VTI1A: variants seen among roughly 807,000 people sequenced by gnomAD.
The protein encoded by VTI1A is vesicle transport through interaction with t-SNAREs homolog 1A.
In VTI1A, 22 loss-of-function variants were observed where a neutral mutation model predicts 34.9. The ratio of observed to expected loss-of-function variants is 0.63; its 90% confidence interval spans 0.45 to 0.90. The LOEUF (loss-of-function observed/expected upper bound fraction) is 0.90, where lower values mean the gene tolerates loss of function less well. VTI1A is among the 40% of genes least tolerant of loss of function. The pLI, the probability that VTI1A is intolerant of heterozygous loss-of-function variation, is 0.00. For synonymous variants in VTI1A, 87 were observed against 97.3 expected (o/e 0.89, Z 0.62); for missense variants, 268 against 275.6 (o/e 0.97, Z 0.20).
At chr10:112,620,656 G>T (rs919083443) in intron 5 of VTI1A, among the ~76,000 whole-genome samples, 1 of 152,082 alleles carries the variant, frequency 6.6e-6, no homozygotes, top group Non-Finnish European at 1.5e-5. Flanking sequence ...TGGGCATGGT[G>T]GTGGGCGCCT....
chr10:112,559,614 G>A (rs1037648501), intron 5 of VTI1A, among the ~76,000 whole-genome samples: 5 of 151,958 alleles, frequency 3.3e-5, no homozygotes, highest in Non-Finnish European at 5.9e-5. Context: ...CTGCCATCCC[G>A]CACAGCCACG....
chr10:112,608,339 GATAA>G (rs1463219944), intron 5 of VTI1A, among the ~76,000 whole-genome samples: 1 of 152,162 alleles, frequency 6.6e-6, no homozygotes, highest in African/African-American at 2.4e-5. Context: ...TGCCTGATGT[GATAA>G]ATAAAGTGCG....
chr10:112,853,429 T>A, the VTI1A span, among the ~76,000 whole-genome samples: 1 of 152,210 alleles, frequency 6.6e-6, no homozygotes, highest in Admixed American at 6.5e-5. Context: ...TGCATTTATA[T>A]ACTGGAGATA....
the VTI1A span, among the ~76,000 whole-genome samples, chr10:112,828,297 A>T: frequency 1.3e-5 from 2 of 152,208 alleles, no homozygotes; most frequent in African/African-American, 4.8e-5. Flanking sequence ...CTGTAGCTCC[A>T]GTGGCACAGT....
chr10:112,538,481 C>G, intron 5 of VTI1A, 151 bp downstream of exon 5: 1 of 662,484 alleles, frequency 1.5e-6, no homozygotes. Context: ...CTTATTTGCG[C>G]TTATCTTTTT....
chr10:112,684,681 G>A (rs916905048), intron 7 of VTI1A, among the ~76,000 whole-genome samples: 1 of 151,942 alleles, frequency 6.6e-6, no homozygotes, highest in Non-Finnish European at 1.5e-5. Context: ...CCTCGTGATC[G>A]GCCCATCTCG....
chr10:112,789,768 C>G (rs4918776), intron 7 of VTI1A, among the ~76,000 whole-genome samples: 117,803 of 151,410 alleles, frequency 0.78, 46,129 homozygotes, highest in East Asian at 0.95. Context: ...GAGATTTCTT[C>G]TTTGTTGAGG....
At chr10:112,744,080 A>T (rs565000416) in intron 7 of VTI1A, among the ~76,000 whole-genome samples, 1 of 152,226 alleles carries the variant, frequency 6.6e-6, no homozygotes, top group Non-Finnish European at 1.5e-5. Context: ...TATTTGAACC[A>T]TAAGAAATTG....
chr10:112,463,715 G>T (rs1847806827), intron 2 of VTI1A, among the ~76,000 whole-genome samples: 1 of 152,042 alleles, frequency 6.6e-6, no homozygotes, highest in African/African-American at 2.4e-5. Flanking sequence ...ATATAAATGT[G>T]GTTATAAAGT....
At chr10:112,546,607 A>T (rs1406336228) in intron 5 of VTI1A, among the ~76,000 whole-genome samples, 1 of 152,116 alleles carries the variant, frequency 6.6e-6, no homozygotes, top group Non-Finnish European at 1.5e-5. Flanking sequence ...CCAAAAAGGG[A>T]CTAATTATAC....
intron 7 of VTI1A, among the ~76,000 whole-genome samples, chr10:112,671,567 G>A (rs1376218832): frequency 1.3e-5 from 2 of 152,140 alleles, no homozygotes; most frequent in Non-Finnish European, 2.9e-5. Context: ...TTTAAACCTT[G>A]ATTGTTCTTA....
chr10:112,600,739 GTGAC>G (rs1181508209), intron 5 of VTI1A, among the ~76,000 whole-genome samples: 2 of 152,184 alleles, frequency 1.3e-5, no homozygotes, highest in Non-Finnish European at 2.9e-5. Flanking sequence ...TCCTAAAACA[GTGAC>G]TGACAAAAGG....
intron 5 of VTI1A, among the ~76,000 whole-genome samples, chr10:112,667,370 G>A (rs985378385): frequency 1.3e-5 from 2 of 152,094 alleles, no homozygotes; most frequent in Non-Finnish European, 2.9e-5. Context: ...GTCTGAAAAC[G>A]ATTTATTCAA....
the VTI1A span, among the ~76,000 whole-genome samples, chr10:112,830,932 T>C: frequency 1.4e-5 from 2 of 147,604 alleles, no homozygotes; most frequent in East Asian, 4.0e-4. Flanking sequence ...TCACAGCAGC[T>C]TTGACCCCCC....
intron 5 of VTI1A, among the ~76,000 whole-genome samples, chr10:112,586,759 T>G (rs1192320008): frequency 6.6e-6 from 1 of 152,148 alleles, no homozygotes; most frequent in Non-Finnish European, 1.5e-5. Flanking sequence ...ATAGCCATGG[T>G]AAAAAAGACC....
intron 5 of VTI1A, among the ~76,000 whole-genome samples, chr10:112,607,895 C>T (rs1845146087): frequency 6.6e-6 from 1 of 152,174 alleles, no homozygotes; most frequent in Non-Finnish European, 1.5e-5. Context: ...AGTGTTCTCA[C>T]AACATGGCAG....
In VTI1A at chr10:112,703,021, T is replaced by C. The variant is rs541068269; in HGVS notation, c.560+34023T>C. 2.0e-5 allele frequency among the ~76,000 whole-genome samples: 3 copies of C among 152,354 alleles called. No homozygotes were observed. In the South Asian group the frequency reaches 6.2e-4, roughly 32 times the overall value. On this transcript the variant is annotated intron_variant, in intron 7 of 7. Transcript: ENST00000393077. The stretch of plus-strand genomic sequence containing the variant: ...CTCAGTAGTGATCTGATTTTTTTAA[T>C]CAATGACTTTAATTCCAACAACAAA...
intron 4 of VTI1A, among the ~76,000 whole-genome samples, chr10:112,527,561 G>C (rs1589864192): frequency 6.6e-6 from 1 of 152,102 alleles, no homozygotes; most frequent in Non-Finnish European, 1.5e-5. Flanking sequence ...CAAAACAAAT[G>C]AAAGTAAGCT....
chr10:112,724,679 G>A (rs991614202), intron 7 of VTI1A, among the ~76,000 whole-genome samples: 5 of 151,242 alleles, frequency 3.3e-5, no homozygotes, highest in African/African-American at 7.3e-5. Context: ...GGCAAGTTTG[G>A]ACATGAACTC....
Sources: allele counts gnomAD v4.1 joint callset (sites outside exome capture counted in the v4.1 genomes callset), GRCh38; gene constraint gnomAD v4.1.1; transcripts MANE v1.5; gene names NCBI Gene and HGNC (gene_info 2026-07-23, HGNC 2026-07-21).